ALK: variants seen among roughly 807,000 people sequenced by gnomAD.
The protein encoded by ALK is ALK receptor tyrosine kinase.
ALK carries 74 observed loss-of-function variants against 163.1 expected under a neutral mutation model. That is an observed-to-expected ratio of 0.45 (90% CI 0.38 to 0.55). ALK has a LOEUF of 0.55. ALK is among the 20% of genes least tolerant of loss of function. The pLI, the probability that ALK is intolerant of heterozygous loss-of-function variation, is 0.00. For synonymous variants in ALK, 960 were observed against 843.2 expected (o/e 1.14, Z -2.40); for missense variants, 2,063 against 2,105.3 (o/e 0.98, Z 0.39).
Position 29,910,317 on chromosome 2 carries a change from A to G in ALK, c.667+9676T>C, listed in dbSNP as rs112580319. Among the ~76,000 whole-genome samples the G allele has an allele frequency of 8.9e-3, 1,356 of 152,274 alleles. 20 individuals are homozygous for G. Among genetic ancestry groups the G allele is most frequent in the African/African-American group, 0.031 (1,295 of 41,582 alleles). On this transcript the variant is annotated intron_variant, in intron 1 of 28. Transcript: ENST00000389048. ...TCAAAATATGCAATAAAAACTATGCAGACTGAAATACAGAGAGAAAAGGGG... is the reference window on the plus strand; with the variant it reads ...TCAAAATATGCAATAAAAACTATGCGGACTGAAATACAGAGAGAAAAGGGG...
Position 29,717,698 on chromosome 2 carries a change from C to A in ALK, c.668-1G>T. ...GTTGGTGATTCCAAGGAGCTATGAC[C>A]TGGACATAAAAATAAAGAAAACACT... On this transcript the variant is annotated splice_acceptor_variant, in intron 1 of 28. Coordinates refer to ENST00000389048, the MANE Select transcript of ALK (RefSeq NM_004304.5). LOFTEE classifies it high-confidence loss of function. The A allele has an allele frequency of 6.2e-7, 1 of 1,614,054 alleles. No individual in the cohort carries two copies.
intron 1 of ALK, among the ~76,000 whole-genome samples, chr2:29,773,480 G>T (rs542246225): frequency 6.6e-6 from 1 of 152,146 alleles, no homozygotes; most frequent in Non-Finnish European, 1.5e-5. Context: ...TTAAGTCTCA[G>T]GTCTGACTCG....
In ALK at chr2:29,320,648, C is replaced by T. The variant is rs12151564; in HGVS notation, c.1546+103G>A. The T allele has an allele frequency of 0.076, 116,831 of 1,534,842 alleles. 4,667 individuals are homozygous for T. Among genetic ancestry groups the T allele is most frequent in the South Asian group, 0.13 (11,297 of 88,910 alleles). ...TCTAGGCAAGCTTTGGTCAGACACC[C>T]GAGCTTGCCCTGCAGGTGGGGTGAA... On this transcript the variant is annotated intron_variant, in intron 7 of 28. Coordinates refer to ENST00000389048, the MANE Select transcript of ALK (RefSeq NM_004304.5).
intron 8 of ALK, among the ~76,000 whole-genome samples, chr2:29,309,069 C>G (rs1666625226): frequency 1.3e-5 from 2 of 152,128 alleles, no homozygotes; most frequent in Non-Finnish European, 2.9e-5. Flanking sequence ...GGAGATGACA[C>G]TGAGGAGTAG....
chr2:29,689,526 TG>T (rs1271382750), intron 3 of ALK, among the ~76,000 whole-genome samples: 2 of 152,210 alleles, frequency 1.3e-5, no homozygotes, highest in Non-Finnish European at 2.9e-5. Flanking sequence ...GGTATGAATC[TG>T]GTCTCCTCTG....
At chr2:29,553,411 T>A (rs551875614) in intron 3 of ALK, among the ~76,000 whole-genome samples, 1 of 152,358 alleles carries the variant, frequency 6.6e-6, no homozygotes, top group African/African-American at 2.4e-5. Flanking sequence ...TTATAAACCA[T>A]TCAGTCTCAG....
chr2:29,644,590 AGGG>A (rs1295701382), intron 3 of ALK, among the ~76,000 whole-genome samples: 3 of 148,472 alleles, frequency 2.0e-5, no homozygotes, highest in African/African-American at 7.8e-5. Flanking sequence ...CCCACTCTCC[AGGG>A]AAAGCAGCAA....
chr2:29,195,640 G>A (rs529851656), intron 28 of ALK, among the ~76,000 whole-genome samples: 2 of 152,286 alleles, frequency 1.3e-5, no homozygotes, highest in African/African-American at 2.4e-5. Context: ...GAGGCTGAGG[G>A]AGGAGAATCG....
At chr2:29,731,445 C>T (rs887997315) in intron 1 of ALK, among the ~76,000 whole-genome samples, 2 of 152,176 alleles carry the variant, frequency 1.3e-5, no homozygotes, top group African/African-American at 2.4e-5. Context: ...ACTCCAGGAG[C>T]GGCTTTCAAG....
At chr2:29,748,380 T>C (rs997146513) in intron 1 of ALK, among the ~76,000 whole-genome samples, 3 of 152,316 alleles carry the variant, frequency 2.0e-5, no homozygotes, top group African/African-American at 7.2e-5. Context: ...TCTAAGCATA[T>C]GGCCCTTGGC....
At chr2:29,687,535 A>T (rs1678274076) in intron 3 of ALK, among the ~76,000 whole-genome samples, 1 of 150,226 alleles carries the variant, frequency 6.7e-6, no homozygotes, top group East Asian at 1.9e-4. Flanking sequence ...CCTTTGTATT[A>T]AAAAAAAAGG....
chr2:29,792,511 A>C (rs936608349), intron 1 of ALK, among the ~76,000 whole-genome samples: 1 of 152,128 alleles, frequency 6.6e-6, no homozygotes, highest in Non-Finnish European at 1.5e-5. Context: ...CCATAACAAA[A>C]CTCAATGGAA....
chr2:29,777,375 C>A (rs1326863864), intron 1 of ALK, among the ~76,000 whole-genome samples: 1 of 152,120 alleles, frequency 6.6e-6, no homozygotes, highest in Non-Finnish European at 1.5e-5. Flanking sequence ...GACAGTGAGT[C>A]ACTGGCAGCT....
At chr2:29,907,023 C>G (rs1276855380) in intron 1 of ALK, 1 of 133,074 alleles carries the variant, frequency 7.5e-6, no homozygotes, top group East Asian at 2.4e-4. Flanking sequence ...AATCTCAGCT[C>G]ACTGCAAGCT....
At chr2:29,214,744 C>G (rs1669555655) in intron 23 of ALK, among the ~76,000 whole-genome samples, 1 of 152,188 alleles carries the variant, frequency 6.6e-6, no homozygotes, top group African/African-American at 2.4e-5. Flanking sequence ...ACAATGAAGC[C>G]TTTCCAGAAG....
At chr2:29,778,510 G>A (rs975845061) in intron 1 of ALK, among the ~76,000 whole-genome samples, 1 of 152,170 alleles carries the variant, frequency 6.6e-6, no homozygotes, top group Non-Finnish European at 1.5e-5. Flanking sequence ...CATCATGCGT[G>A]GGTGCAGGCA....
At chr2:29,826,841 A>G (rs1665216400) in intron 1 of ALK, among the ~76,000 whole-genome samples, 1 of 152,228 alleles carries the variant, frequency 6.6e-6, no homozygotes, top group Non-Finnish European at 1.5e-5. Flanking sequence ...TTGGAGGGGC[A>G]CTCAAAATGT....
At chr2:29,230,289 C>T (rs77850668) in intron 15 of ALK, among the ~76,000 whole-genome samples, 3,602 of 138,950 alleles carry the variant, frequency 0.026, 49 homozygotes, top group African/African-American at 0.041. Context: ...ACACAATCAT[C>T]TTTTTTTTTT....
chr2:29,895,220 C>T (rs1667238597), intron 1 of ALK, among the ~76,000 whole-genome samples: 1 of 152,202 alleles, frequency 6.6e-6, no homozygotes, highest in Admixed American at 6.5e-5. Context: ...CCTTAATTAG[C>T]TCTGAAAGTT....
Sources: allele counts gnomAD v4.1 joint callset (sites outside exome capture counted in the v4.1 genomes callset), GRCh38; gene constraint gnomAD v4.1.1; transcripts MANE v1.5; gene names NCBI Gene and HGNC (gene_info 2026-07-23, HGNC 2026-07-21).